The following WWOX variants were observed in gnomAD, a reference collection of about 807,000 sequenced individuals.
WWOX encodes the protein WW domain-containing oxidoreductase.
Under a neutral mutation model 46.2 loss-of-function variants are expected in WWOX, and 69 were observed. The ratio of observed to expected loss-of-function variants is 1.49; its 90% CI spans 1.23 to 1.82. The LOEUF is 1.82. Among genes scored for constraint, WWOX ranks in the 40% most tolerant of loss-of-function variants. The probability of loss-of-function intolerance (pLI) is 0.00; values close to 1 mark genes in which losing one functional copy is unlikely to be tolerated. For synonymous variants in WWOX, 359 were observed against 202.6 expected, an observed-to-expected ratio of 1.77 and a Z score of -6.56; for missense variants, 919 against 542.6, an observed-to-expected ratio of 1.69 and a Z score of -6.89.
At chr16:78,986,102 C>T (rs1295764560) in intron 8 of WWOX, among the ~76,000 whole-genome samples, 1 of 152,206 alleles carries the variant, frequency 6.6e-6, no homozygotes, top group African/African-American at 2.4e-5. Context: ...TGAACCGGGG[C>T]TCCGGGAGAC....
chr16:78,591,448 ACT>A lies in WWOX; in HGVS notation c.1056+158701_1056+158702del, dbSNP rs759548637. 4.6e-4 allele frequency among the ~76,000 whole-genome samples: 70 copies of A among 151,368 alleles called. 1 individual carries two copies. Among genetic ancestry groups the A allele is most frequent in the Admixed American group, 2.1e-3 (32 of 15,222 alleles). On this transcript the variant is annotated intron_variant, in intron 8 of 8. Coordinates refer to ENST00000566780, the MANE Select transcript of WWOX (RefSeq NM_016373.4). ...ACGTAGACCTTCCCTCACACTTTCC[ACT>A]CTCTGCATCCCCTCTTCCCTCTCAT... is the stretch of plus-strand genomic sequence containing the variant.
intron 8 of WWOX, among the ~76,000 whole-genome samples, chr16:78,809,257 A>G (rs2051125580): frequency 6.7e-6 from 1 of 149,412 alleles, no homozygotes; most frequent in Non-Finnish European, 1.5e-5. Flanking sequence ...TGTTTTTAGA[A>G]GTTAGATTTT....
chr16:79,081,866 C>T (rs572916436), intron 8 of WWOX, among the ~76,000 whole-genome samples: 2 of 152,218 alleles, frequency 1.3e-5, no homozygotes, highest in African/African-American at 2.4e-5. Context: ...TGGGTTAGGA[C>T]CCCTTTTTCT....
rs149480039 is a variant in WWOX, at chr16:78,275,978, C to G, written c.517-110882C>G. On this transcript the variant is annotated intron_variant, in intron 5 of 8. Coordinates refer to ENST00000566780, the MANE Select transcript of WWOX (RefSeq NM_016373.4). Reference sequence around the variant, plus strand: ...CTGCTGCCCAGCATCAGCCTTAGCCCAGACCCCCAAACTTCCTGGGCTTCA... The same window carrying G: ...CTGCTGCCCAGCATCAGCCTTAGCCGAGACCCCCAAACTTCCTGGGCTTCA... Among the ~76,000 whole-genome samples, 1,035 of 152,112 alleles carry G rather than the reference C, an allele frequency of 6.8e-3. 8 individuals are homozygous for G. The highest frequency in any genetic ancestry group is 0.024 in the African/African-American group (979 of 41,548).
chr16:78,815,193 C>T (rs2051297788), intron 8 of WWOX, among the ~76,000 whole-genome samples: 2 of 152,088 alleles, frequency 1.3e-5, no homozygotes, highest in Non-Finnish European at 1.5e-5. Context: ...GGCATGGTGG[C>T]ACACACCTGT....
At chr16:78,877,355 C>T (rs774965730) in intron 8 of WWOX, among the ~76,000 whole-genome samples, 1 of 151,746 alleles carries the variant, frequency 6.6e-6, no homozygotes, top group African/African-American at 2.4e-5. Context: ...TCAGCTGTTC[C>T]TCAGACATGC....
chr16:79,112,582 G>C (rs1212560207), intron 8 of WWOX, among the ~76,000 whole-genome samples: 1 of 152,130 alleles, frequency 6.6e-6, no homozygotes, highest in Non-Finnish European at 1.5e-5. Context: ...CACTGATGCA[G>C]ATATTTCTGA....
chr16:78,724,173 C>A (rs894059244), intron 8 of WWOX, among the ~76,000 whole-genome samples: 3 of 152,194 alleles, frequency 2.0e-5, no homozygotes, highest in Non-Finnish European at 2.9e-5. Flanking sequence ...GTTCATATCT[C>A]ACTCCGTCAT....
At chr16:78,984,202 T>A (rs2046740277) in intron 8 of WWOX, among the ~76,000 whole-genome samples, 1 of 152,028 alleles carries the variant, frequency 6.6e-6, no homozygotes, top group Non-Finnish European at 1.5e-5. Flanking sequence ...TGTCTTTTAT[T>A]TGCTTTGAGT....
intron 8 of WWOX, among the ~76,000 whole-genome samples, chr16:79,050,556 C>T (rs1017801552): frequency 1.3e-5 from 2 of 152,140 alleles, no homozygotes; most frequent in Non-Finnish European, 2.9e-5. Context: ...TACTGCAGTC[C>T]CAAAGCCCGG....
At chr16:78,261,799 T>G (rs199816294) in intron 5 of WWOX, among the ~76,000 whole-genome samples, 1,209 of 71,638 alleles carry the variant, frequency 0.017, 31 homozygotes, top group South Asian at 0.096. Flanking sequence ...TATATATATA[T>G]ATATATATAT....
chr16:78,563,002 C>G (rs1430954804), intron 8 of WWOX, among the ~76,000 whole-genome samples: 1 of 151,110 alleles, frequency 6.6e-6, no homozygotes, highest in Non-Finnish European at 1.5e-5. Flanking sequence ...TTTTTTTAAT[C>G]CCTCCCCCTA....
chr16:79,045,909 C>A (rs1235746037), intron 8 of WWOX, among the ~76,000 whole-genome samples: 2 of 145,108 alleles, frequency 1.4e-5, no homozygotes, highest in Non-Finnish European at 3.0e-5. Context: ...TCAAGTGATT[C>A]TCCTGCCTCA....
chr16:78,709,448 G>A (rs1477199687), intron 8 of WWOX, among the ~76,000 whole-genome samples: 6 of 151,264 alleles, frequency 4.0e-5, no homozygotes, highest in African/African-American at 1.5e-4. Flanking sequence ...TGTCAGATCA[G>A]CCTTGGTGAG....
At chr16:78,428,004 A>C (rs2083127252) in intron 7 of WWOX, among the ~76,000 whole-genome samples, 1 of 150,678 alleles carries the variant, frequency 6.6e-6, no homozygotes, top group Non-Finnish European at 1.5e-5. Context: ...GGAGGTGGAG[A>C]TTGCAGTGAG....
chr16:79,206,621 G>T (rs1357817360), intron 8 of WWOX: 2 of 152,188 alleles, frequency 1.3e-5, no homozygotes, highest in African/African-American at 2.4e-5. Flanking sequence ...CACTGAAAAA[G>T]CCGGGCAGTT....
intron 8 of WWOX, among the ~76,000 whole-genome samples, chr16:78,821,886 C>CT (rs900842421): frequency 5.9e-5 from 9 of 151,790 alleles, no homozygotes; most frequent in South Asian, 2.1e-4. Flanking sequence ...TTAAAATAAA[C>CT]TTTTTTTTTA....
chr16:78,612,265 A>G (rs149683613), intron 8 of WWOX, among the ~76,000 whole-genome samples: 233 of 152,322 alleles, frequency 1.5e-3, no homozygotes, highest in African/African-American at 5.3e-3. Context: ...AAGGTTTGTG[A>G]AGGATGGCAA....
At chr16:78,542,128 C>G (rs957654033) in intron 8 of WWOX, among the ~76,000 whole-genome samples, 4 of 151,310 alleles carry the variant, frequency 2.6e-5, no homozygotes, top group African/African-American at 9.7e-5. Context: ...AGAAACCTCC[C>G]AAATTTCTAT....
Sources: gnomAD v4.1 joint callset for allele counts (sites outside exome capture counted in the v4.1 genomes callset) on GRCh38, gnomAD v4.1.1 for gene constraint, MANE v1.5 for transcripts, NCBI Gene and HGNC (gene_info 2026-07-23, HGNC 2026-07-21) for gene names.